Variants in VAPB observed in about 807,000 individuals in gnomAD.
The protein encoded by VAPB is VAMP associated protein B and C.
VAPB carries 7 observed loss-of-function variants against 25.6 expected under a neutral mutation model. The ratio of observed to expected loss-of-function variants is 0.27; its 90% CI spans 0.16 to 0.51. VAPB has a LOEUF of 0.51. Among genes scored for constraint, VAPB ranks in the 20% least tolerant of loss-of-function variants. The pLI, the probability that VAPB is intolerant of heterozygous loss-of-function variation, is 0.97. For synonymous variants in VAPB, 112 were observed against 109.2 expected (o/e 1.03, Z -0.16); for missense variants, 266 against 301.3 (o/e 0.88, Z 0.87).
rs572023051 is a variant in VAPB at position 58,449,111 on chromosome 20, G to A, written c.*4876G>A. On this transcript the variant is annotated 3_prime_UTR_variant, in exon 6 of 6. Transcript: ENST00000475243. ...AAGCCCCTGATAAGGAGCGTCAGCCGACAGGCAAGCTTGGGAGGCTGTGGG... is the reference window on the plus strand; with the variant it reads ...AAGCCCCTGATAAGGAGCGTCAGCCAACAGGCAAGCTTGGGAGGCTGTGGG... The A allele has an allele frequency of 8.8e-6, 4 of 454,110 alleles. No homozygotes were observed. The highest frequency in any genetic ancestry group is 4.0e-5 in the African/African-American group (2 of 50,120). The allele number at this position is 454,110 out of a possible 1,614,324, so 28.1% of individuals were successfully genotyped here. A position where few individuals can be genotyped will look rare whatever the true frequency, so the allele number is the denominator to read the frequency against.
At chr20:58,390,396 C>G (rs1301900643) in intron 1 of VAPB, 1 of 126,108 alleles carries the variant, frequency 7.9e-6, no homozygotes, top group African/African-American at 3.0e-5. Context: ...TTTTTTTTTT[C>G]CTACCTTCAC....
In VAPB at chr20:58,450,973, G is replaced by A. The variant is rs1241060701; in HGVS notation, c.*6738G>A. 1 of 453,988 alleles carries A rather than the reference G, an allele frequency of 2.2e-6. No individual in the cohort carries two copies. The highest frequency in any genetic ancestry group is 2.0e-5 in the African/African-American group (1 of 50,008). 28.1% of individuals were successfully genotyped at this position (453,988 alleles called of 1,614,324 possible). A position where few individuals can be genotyped will look rare whatever the true frequency, so the allele number is the denominator to read the frequency against. On this transcript the variant is annotated 3_prime_UTR_variant, in exon 6 of 6. Coordinates refer to ENST00000475243, the MANE Select transcript of VAPB (RefSeq NM_004738.5). ...TTTCTGCAGGGTCCAGACCAAAAGA[G>A]CCATTTACAGCATGTTCTCCCATGT... is the stretch of plus-strand genomic sequence containing the variant.
chr20:58,408,634 A>AG (rs1988293032), intron 1 of VAPB, among the ~76,000 whole-genome samples: 1 of 151,996 alleles, frequency 6.6e-6, no homozygotes, highest in Non-Finnish European at 1.5e-5. Flanking sequence ...ACTTTAAAAA[A>AG]AAACACCATA....
intron 1 of VAPB, among the ~76,000 whole-genome samples, chr20:58,400,870 T>C (rs1988081052): frequency 1.3e-5 from 2 of 152,252 alleles, no homozygotes; most frequent in East Asian, 1.9e-4. Flanking sequence ...AAATATATCC[T>C]GATGGACTCC....
At chr20:58,414,577 A>C (rs1474180762) in intron 1 of VAPB, among the ~76,000 whole-genome samples, 4 of 137,734 alleles carry the variant, frequency 2.9e-5, no homozygotes, top group Admixed American at 7.1e-5. Flanking sequence ...CGCTCCTCAC[A>C]TCCCAGACGG....
chr20:58,448,420 T>C lies in VAPB; in HGVS notation c.*4185T>C, dbSNP rs1989348332. ...GTTTCAATGCCACTCCTTACCTGTATAGAACATTTCCAATACATTCGCTCA... is the reference window on the plus strand; with the variant it reads ...GTTTCAATGCCACTCCTTACCTGTACAGAACATTTCCAATACATTCGCTCA... On this transcript the variant is annotated 3_prime_UTR_variant, in exon 6 of 6. Transcript: ENST00000475243. 1 of 454,010 alleles carries C rather than the reference T, an allele frequency of 2.2e-6. No individual in the cohort carries two copies. The highest frequency in any genetic ancestry group is 4.4e-6 in the Non-Finnish European group (1 of 226,794). 28.1% of individuals were successfully genotyped at this position (454,010 alleles called of 1,614,324 possible). A position where few individuals can be genotyped will look rare whatever the true frequency, so the allele number is the denominator to read the frequency against.
chr20:58,434,024 C>G (rs1444645221), intron 2 of VAPB, among the ~76,000 whole-genome samples: 1 of 151,736 alleles, frequency 6.6e-6, no homozygotes, highest in African/African-American at 2.4e-5. Context: ...TCTCTAGGTT[C>G]TTAGGGAAAA....
rs532048267 is a variant in VAPB at position 58,450,974 on chromosome 20, C to T, written c.*6739C>T. On this transcript the variant is annotated 3_prime_UTR_variant, in exon 6 of 6. Transcript: ENST00000475243. ...TTCTGCAGGGTCCAGACCAAAAGAG[C>T]CATTTACAGCATGTTCTCCCATGTT... 2.2e-6 allele frequency: 1 copy of T among 454,074 alleles called. No individual in the cohort carries two copies. The highest frequency in any genetic ancestry group is 6.9e-5 in the East Asian group (1 of 14,398). The allele number at this position is 454,074 out of a possible 1,614,324, so 28.1% of individuals were successfully genotyped here.
chr20:58,421,480 A>G (rs1473717800), intron 2 of VAPB, among the ~76,000 whole-genome samples: 1 of 152,114 alleles, frequency 6.6e-6, no homozygotes, highest in Non-Finnish European at 1.5e-5. Context: ...TTATAGTGAA[A>G]AGTTGCCAGT....
intron 1 of VAPB, among the ~76,000 whole-genome samples, chr20:58,399,559 T>A (rs964921865): frequency 7.2e-5 from 11 of 151,762 alleles, no homozygotes; most frequent in Admixed American, 2.0e-4. Flanking sequence ...TTACTAAAAA[T>A]ACAAAAGTTA....
At chr20:58,390,823 G>C (rs910579803) in intron 1 of VAPB, among the ~76,000 whole-genome samples, 2 of 152,028 alleles carry the variant, frequency 1.3e-5, no homozygotes, top group Admixed American at 1.3e-4. Flanking sequence ...CCAGACTTCA[G>C]AGTTCACGCT....
chr20:58,429,836 C>G lies in VAPB; in HGVS notation c.212-4766C>G, dbSNP rs565219336. Among the ~76,000 whole-genome samples, 475 of 152,226 alleles carry G rather than the reference C, an allele frequency of 3.1e-3. 2 individuals are homozygous for G. Among genetic ancestry groups the G allele is most frequent in the Non-Finnish European group, 5.4e-3 (366 of 67,970 alleles). On this transcript the variant is annotated intron_variant, in intron 2 of 5. Transcript: ENST00000475243. Reference sequence around the variant, plus strand: ...ACTTATTTAACTATATTTTTACCTCCTGGAGGGCCTGTGAGACCATTTGGT... The same window carrying G: ...ACTTATTTAACTATATTTTTACCTCGTGGAGGGCCTGTGAGACCATTTGGT...
chr20:58,403,376 C>T (rs1988146608), intron 1 of VAPB, among the ~76,000 whole-genome samples: 1 of 152,174 alleles, frequency 6.6e-6, no homozygotes, highest in Non-Finnish European at 1.5e-5. Flanking sequence ...GCTTAAGTTG[C>T]CCCTTCCTAA....
intron 1 of VAPB, among the ~76,000 whole-genome samples, chr20:58,393,742 T>G (rs1987872515): frequency 6.8e-6 from 1 of 147,964 alleles, no homozygotes; most frequent in Non-Finnish European, 1.5e-5. Flanking sequence ...TTTTGTTTTG[T>G]TTTTTTTGAG....
chr20:58,441,328 C>T (rs2123100457), intron 5 of VAPB, among the ~76,000 whole-genome samples: 1 of 151,644 alleles, frequency 6.6e-6, no homozygotes, highest in African/African-American at 2.4e-5. Context: ...AGCTCTTGTC[C>T]CCTTAAAAAA....
chr20:58,441,980 C>A (rs1989171679), intron 5 of VAPB, among the ~76,000 whole-genome samples: 1 of 152,000 alleles, frequency 6.6e-6, no homozygotes, highest in African/African-American at 2.4e-5. Context: ...TTGGCATTGG[C>A]AATGGAAGGT....
At chr20:58,411,941 A>G (rs1043048079) in intron 1 of VAPB, among the ~76,000 whole-genome samples, 1 of 152,202 alleles carries the variant, frequency 6.6e-6, no homozygotes, top group African/African-American at 2.4e-5. Context: ...AGCCTCCCAA[A>G]GTGCTGGGAT....
chr20:58,417,302 A>G (rs1466185320), intron 1 of VAPB, among the ~76,000 whole-genome samples: 1 of 152,238 alleles, frequency 6.6e-6, no homozygotes, highest in Non-Finnish European at 1.5e-5. Context: ...GTTAGCCCCT[A>G]TCCCTTGCAC....
intron 4 of VAPB, chr20:58,439,653 T>C (rs1989119928): frequency 1.3e-5 from 2 of 155,958 alleles, no homozygotes; most frequent in Admixed American, 6.2e-5. Flanking sequence ...TCTCCAGATA[T>C]TGCCACATGT....
Sources: allele counts gnomAD v4.1 joint callset (sites outside exome capture counted in the v4.1 genomes callset), GRCh38; gene constraint gnomAD v4.1.1; transcripts MANE v1.5; gene names NCBI Gene and HGNC (gene_info 2026-07-23, HGNC 2026-07-21).